The following POLI variants were observed in gnomAD, a reference collection of about 807,000 sequenced individuals.
The protein encoded by POLI is RAD30 homolog B.
Under a neutral mutation model 51.6 loss-of-function variants are expected in POLI, and 58 were observed. The observed-to-expected ratio is 1.12, with a 90% CI of 0.91 to 1.40. The LOEUF (loss-of-function observed/expected upper bound fraction) is 1.40. Ranked by LOEUF, POLI falls within the 40% of genes most tolerant of loss-of-function variation. The pLI, the probability that POLI is intolerant of heterozygous loss-of-function variation, is 0.00. For missense variants in POLI, 921 were observed against 871.3 expected, an observed-to-expected ratio of 1.06 and a Z score of -0.72; for synonymous variants, 322 against 299.7, an observed-to-expected ratio of 1.07 and a Z score of -0.77.
chr18:54,279,388 A>G (rs1481890118), intron 4 of POLI, among the ~76,000 whole-genome samples: 1 of 151,944 alleles, frequency 6.6e-6, no homozygotes, highest in African/African-American at 2.4e-5. Flanking sequence ...GACTACAGGC[A>G]TGTGCCACTA....
At chr18:54,311,292 A>G (rs1230430441) in intron 3 of POLI, among the ~76,000 whole-genome samples, 1 of 152,174 alleles carries the variant, frequency 6.6e-6, no homozygotes, top group African/African-American at 2.4e-5. Flanking sequence ...ACAGAAAAGA[A>G]GACTCACATA....
At chr18:54,289,587 G>T (rs1284048781) in intron 8 of POLI, among the ~76,000 whole-genome samples, 1 of 150,230 alleles carries the variant, frequency 6.7e-6, no homozygotes, top group African/African-American at 2.5e-5. Flanking sequence ...ATACTACAAG[G>T]CTACAGTAAC....
chr18:54,318,707 C>G (rs2088762737), intron 3 of POLI, among the ~76,000 whole-genome samples: 1 of 152,114 alleles, frequency 6.6e-6, no homozygotes, highest in Non-Finnish European at 1.5e-5. Context: ...AGCCAACAAC[C>G]AATTTCAAAC....
chr18:54,313,823 G>A (rs1162972541), intron 3 of POLI, among the ~76,000 whole-genome samples: 1 of 152,098 alleles, frequency 6.6e-6, no homozygotes, highest in African/African-American at 2.4e-5. Context: ...AAACTTTGCT[G>A]AAGTTATCAG....
At chr18:54,311,477 A>G (rs576056787) in intron 3 of POLI, among the ~76,000 whole-genome samples, 1 of 152,326 alleles carries the variant, frequency 6.6e-6, no homozygotes, top group Admixed American at 6.5e-5. Context: ...TTTTGTTTCA[A>G]ATTACCAACT....
In POLI at chr18:54,296,983, G is replaced by T; in HGVS notation, c.*2516G>T. On this transcript the variant is annotated 3_prime_UTR_variant, in exon 10 of 10. Transcript: ENST00000579534. ...GTATGTGTTAATCTGCGAGAAGACA[G>T]AGGGCCTAAATTGTGTATGTTTTCC... 1 of 985,200 alleles carries T rather than the reference G, an allele frequency of 1.0e-6. No individual in the cohort carries two copies. The highest frequency in any genetic ancestry group is 1.2e-6 in the Non-Finnish European group (1 of 829,752). The allele number at this position is 985,200 out of a possible 1,614,324, so 61.0% of individuals were successfully genotyped here.
intron 1 of POLI, 109 bp from the exon 2 acceptor site, chr18:54,271,251 A>G: frequency 2.5e-6 from 2 of 801,202 alleles, no homozygotes; most frequent in Non-Finnish European, 3.7e-6. Flanking sequence ...AGGAGAAAAC[A>G]CGTCACTCTG....
At chr18:54,286,399 A>T (rs923607312) in intron 7 of POLI, among the ~76,000 whole-genome samples, 1 of 152,144 alleles carries the variant, frequency 6.6e-6, no homozygotes, top group Non-Finnish European at 1.5e-5. Context: ...TAAAAAATGC[A>T]TGTACTCATA....
Position 54,317,591 on chromosome 18 carries a change from A to G in POLI, c.334-2682A>G, listed in dbSNP as rs73487937. 8.5e-3 allele frequency among the ~76,000 whole-genome samples: 1,289 copies of G among 152,286 alleles called. 22 individuals carry two copies. The highest frequency in any genetic ancestry group is 0.03 in the African/African-American group (1,244 of 41,560). ...TAAAATTATTTATTGGGCTGGATGC[A>G]GTAGCTTATGTTTGTAATCCCAGTG... is the stretch of plus-strand genomic sequence containing the variant. On this transcript the variant is annotated intron_variant, in intron 3 of 4. Coordinates refer to the POLI transcript ENST00000579823.
At chr18:54,280,120 G>A (rs2087431316) in intron 4 of POLI, among the ~76,000 whole-genome samples, 1 of 152,216 alleles carries the variant, frequency 6.6e-6, no homozygotes, top group Non-Finnish European at 1.5e-5. Context: ...CAGGGTGGCA[G>A]TGATCTCTTA....
In POLI at chr18:54,297,806, C is replaced by T. The variant is rs1219034808; in HGVS notation, c.*3339C>T. 1.0e-6 allele frequency: 1 copy of T among 957,592 alleles called. No individual in the cohort carries two copies. The highest frequency in any genetic ancestry group is 6.2e-5 in the Admixed American group (1 of 16,228). 59.3% of individuals were successfully genotyped at this position (957,592 alleles called of 1,614,324 possible). ...TTCCACAAGTTCTTTATTAAATCTC[C>T]AAATTGGATATTATTAGTATTTTAT... On this transcript the variant is annotated 3_prime_UTR_variant, in exon 10 of 10. Coordinates refer to ENST00000579534, the MANE Select transcript of POLI (RefSeq NM_007195.3).
downstream of POLI, among the ~76,000 whole-genome samples, chr18:54,300,805 A>G (rs11660002): frequency 0.18 from 27,650 of 152,210 alleles, 2,706 homozygotes; most frequent in Middle Eastern, 0.25. Context: ...GAAAGATGTA[A>G]TAGCTTTCAA....
chr18:54,299,506 A>T (rs1037958386), downstream of POLI, among the ~76,000 whole-genome samples: 2 of 152,240 alleles, frequency 1.3e-5, no homozygotes, highest in African/African-American at 4.8e-5. Flanking sequence ...ACTGCATATC[A>T]GTCACCGAAT....
chr18:54,305,302 G>C (rs1233633388), intron 3 of POLI, among the ~76,000 whole-genome samples: 1 of 152,128 alleles, frequency 6.6e-6, no homozygotes, highest in Non-Finnish European at 1.5e-5. Context: ...TGTGAAGAAA[G>C]TCATTGGTAG....
chr18:54,311,752 G>T (rs944004787), intron 3 of POLI, among the ~76,000 whole-genome samples: 1 of 152,182 alleles, frequency 6.6e-6, no homozygotes, highest in African/African-American at 2.4e-5. Context: ...GCCTTAGTAT[G>T]CACTTCCTTG....
chr18:54,281,342 T>C (rs2144514337), intron 5 of POLI, among the ~76,000 whole-genome samples: 1 of 152,310 alleles, frequency 6.6e-6, no homozygotes, highest in South Asian at 2.1e-4. Context: ...TTTTAAAGAT[T>C]AGGAAACTGA....
intron 9 of POLI, among the ~76,000 whole-genome samples, chr18:54,293,004 T>A (rs539754826): frequency 6.6e-6 from 1 of 152,196 alleles, no homozygotes; most frequent in African/African-American, 2.4e-5. Context: ...CTACTACTTT[T>A]ACTTTTTTGG....
chr18:54,302,717 C>T (rs140777468), downstream of POLI, among the ~76,000 whole-genome samples: 1 of 152,212 alleles, frequency 6.6e-6, no homozygotes, highest in East Asian at 1.9e-4. Context: ...AGGTCTTATT[C>T]ATTCTAATTA....
chr18:54,270,037 G>A, intron 1 of POLI: 3 of 1,006,896 alleles, frequency 3.0e-6, no homozygotes, highest in Non-Finnish European at 3.6e-6. Flanking sequence ...CAGAAGGTGG[G>A]ACCCGGATCT....
Sources: allele counts gnomAD v4.1 joint callset (sites outside exome capture counted in the v4.1 genomes callset), GRCh38; gene constraint gnomAD v4.1.1; transcripts MANE v1.5; gene names NCBI Gene and HGNC (gene_info 2026-07-23, HGNC 2026-07-21).